SCFD2: variants seen among roughly 807,000 people sequenced by gnomAD.
SCFD2 encodes sec1 family domain-containing protein 2.
A neutral mutation model predicts 58.9 loss-of-function variants in SCFD2; 54 were observed. The observed-to-expected ratio is 0.92, with a 90% confidence interval of 0.74 to 1.15. The LOEUF is 1.15. Among genes scored for constraint, SCFD2 ranks in the 50% most tolerant of loss-of-function variants. SCFD2 has a pLI of 0.00. For missense variants in SCFD2, 805 were observed against 836.6 expected, an observed-to-expected ratio of 0.96 and a Z score of 0.47; for synonymous variants, 321 against 335.9, an observed-to-expected ratio of 0.96 and a Z score of 0.49.
Position 53,271,435 on chromosome 4 carries a change from CTTTATTTA to C in SCFD2, c.1311+2383_1311+2390del, listed in dbSNP as rs10524620. Among the ~76,000 whole-genome samples, 231 of 139,504 alleles carry C rather than the reference CTTTATTTA, an allele frequency of 1.7e-3. 3 individuals carry two copies. In the East Asian group the frequency reaches 0.019, roughly 11 times the overall value. 91.5% of individuals were successfully genotyped at this position (139,504 alleles called of 152,430 possible). ...GAATGAGCTAGATCTACATACATCACTTTATTTATTTATTTATTTATTTATTTATTTAT... is the reference window on the plus strand; with the variant it reads ...GAATGAGCTAGATCTACATACATCACTTTATTTATTTATTTATTTATTTAT... On this transcript the variant is annotated intron_variant, in intron 4 of 8. Transcript: ENST00000401642.
At chr4:52,971,351 C>T (rs906972738) in intron 5 of SCFD2, among the ~76,000 whole-genome samples, 11 of 152,104 alleles carry the variant, frequency 7.2e-5, no homozygotes, top group Non-Finnish European at 1.5e-4. Context: ...AACCATGGCA[C>T]GAGAACTACA....
chr4:53,020,045 C>A (rs756780040), intron 5 of SCFD2, among the ~76,000 whole-genome samples: 2 of 152,164 alleles, frequency 1.3e-5, no homozygotes, highest in African/African-American at 2.4e-5. Flanking sequence ...AATTGCAATG[C>A]AGTTTTCTCC....
intron 5 of SCFD2, among the ~76,000 whole-genome samples, chr4:52,973,716 A>C (rs1191387830): frequency 6.6e-6 from 1 of 152,248 alleles, no homozygotes; most frequent in Non-Finnish European, 1.5e-5. Context: ...GACACAACAA[A>C]AAAGAGAATT....
intron 2 of SCFD2, among the ~76,000 whole-genome samples, chr4:53,323,940 T>C (rs1250161981): frequency 2.0e-5 from 3 of 152,038 alleles, no homozygotes; most frequent in African/African-American, 7.3e-5. Flanking sequence ...ATTACCCTAT[T>C]AATAAAGGAG....
intron 4 of SCFD2, among the ~76,000 whole-genome samples, chr4:53,181,414 A>T (rs1727550326): frequency 6.6e-6 from 1 of 152,222 alleles, no homozygotes; most frequent in African/African-American, 2.4e-5. Context: ...CCACATGATT[A>T]TCTCAATAGA....
intron 8 of SCFD2, among the ~76,000 whole-genome samples, chr4:52,879,045 C>T (rs1371378210): frequency 1.3e-5 from 2 of 152,106 alleles, no homozygotes; most frequent in African/African-American, 4.8e-5. Context: ...CTTCTCAACA[C>T]AGGCCTGAGT....
At chr4:53,032,908 A>G (rs1433516228) in intron 5 of SCFD2, among the ~76,000 whole-genome samples, 3 of 152,188 alleles carry the variant, frequency 2.0e-5, no homozygotes, top group Non-Finnish European at 4.4e-5. Context: ...AGACAGATCA[A>G]TGAGACAGAA....
intron 4 of SCFD2, among the ~76,000 whole-genome samples, chr4:53,249,141 G>A (rs1309577767): frequency 2.0e-5 from 3 of 152,154 alleles, no homozygotes; most frequent in African/African-American, 4.8e-5. Context: ...GCCAAGGCTC[G>A]AGAACTACGT....
chr4:53,031,895 C>A (rs1053407232), intron 5 of SCFD2, among the ~76,000 whole-genome samples: 3 of 152,120 alleles, frequency 2.0e-5, no homozygotes, highest in Admixed American at 6.5e-5. Context: ...ACTTCCCCAA[C>A]CTAGCAAGAC....
chr4:52,874,842 A>G (rs1718434578), intron 8 of SCFD2, among the ~76,000 whole-genome samples: 1 of 152,212 alleles, frequency 6.6e-6, no homozygotes, highest in African/African-American at 2.4e-5. Flanking sequence ...GTAAGGTCAT[A>G]TTCACAGATA....
At chr4:53,234,115 G>T (rs976977434) in intron 4 of SCFD2, among the ~76,000 whole-genome samples, 10 of 152,076 alleles carry the variant, frequency 6.6e-5, no homozygotes, top group Admixed American at 4.6e-4. Flanking sequence ...TTGAAAAATG[G>T]CACAAGTAGT....
At chr4:53,044,228 G>T (rs1401916086) in intron 5 of SCFD2, among the ~76,000 whole-genome samples, 2 of 152,014 alleles carry the variant, frequency 1.3e-5, no homozygotes, top group African/African-American at 2.4e-5. Context: ...ACACTTGTCA[G>T]ACCTGCATCA....
At chr4:53,205,423 A>C (rs189702267) in intron 4 of SCFD2, among the ~76,000 whole-genome samples, 1 of 152,152 alleles carries the variant, frequency 6.6e-6, no homozygotes, top group African/African-American at 2.4e-5. Flanking sequence ...AATGACAGCA[A>C]AGAAAGATGA....
At chr4:53,345,613 T>C (rs1332684211) in intron 2 of SCFD2, among the ~76,000 whole-genome samples, 3 of 152,142 alleles carry the variant, frequency 2.0e-5, no homozygotes, top group Admixed American at 6.5e-5. Flanking sequence ...ACCCGAAGGA[T>C]TATAAATCAT....
At chr4:53,006,263 T>C (rs987348301) in intron 5 of SCFD2, among the ~76,000 whole-genome samples, 6 of 152,222 alleles carry the variant, frequency 3.9e-5, no homozygotes, top group East Asian at 1.9e-4. Flanking sequence ...AAAGCCTCTA[T>C]GTTCTCAACT....
chr4:53,199,802 T>C (rs1312431467), intron 4 of SCFD2, among the ~76,000 whole-genome samples: 1 of 152,110 alleles, frequency 6.6e-6, no homozygotes, highest in African/African-American at 2.4e-5. Flanking sequence ...AGAAATCTAT[T>C]TTCTCAGTTT....
chr4:53,180,237 C>T (rs1214315419), intron 4 of SCFD2, among the ~76,000 whole-genome samples: 10 of 152,062 alleles, frequency 6.6e-5, no homozygotes, highest in Non-Finnish European at 1.5e-5. Context: ...CCAAAATTGA[C>T]CACATAATTG....
At chr4:53,273,660 A>G (rs1731241062) in intron 4 of SCFD2, 166 bp downstream of exon 4, 1 of 604,538 alleles carries the variant, frequency 1.7e-6, no homozygotes, top group African/African-American at 1.9e-5. Flanking sequence ...ACAGGTGTGA[A>G]AAAAGTTTCT....
intron 5 of SCFD2, among the ~76,000 whole-genome samples, chr4:52,929,207 G>A (rs1335013190): frequency 6.6e-6 from 1 of 152,120 alleles, no homozygotes; most frequent in Admixed American, 6.5e-5. Context: ...GAGAAGGATG[G>A]GTGAGGAAGG....
Sources: allele counts gnomAD v4.1 joint callset (sites outside exome capture counted in the v4.1 genomes callset), GRCh38; gene constraint gnomAD v4.1.1; transcripts MANE v1.5; gene names NCBI Gene and HGNC (gene_info 2026-07-23, HGNC 2026-07-21).